Variants in RTL4 observed in about 807,000 individuals in gnomAD.
The protein encoded by RTL4 is retrotransposon Gag like 4, also known as retrotransposon Gag-like protein 4.
A neutral mutation model predicts 5.3 loss-of-function variants in RTL4; 4 were observed. The observed-to-expected ratio is 0.75, with a 90% confidence interval of 0.37 to 1.72. RTL4 has a LOEUF of 1.72. RTL4 is among the 40% of genes most tolerant of loss of function. The probability of loss-of-function intolerance (pLI) is 0.04; values close to 1 mark genes in which losing one functional copy is unlikely to be tolerated. For missense variants in RTL4, 260 were observed against 227.1 expected, an observed-to-expected ratio of 1.14 and a Z score of -0.93; for synonymous variants, 98 against 87.3, an observed-to-expected ratio of 1.12 and a Z score of -0.68.
At chrX:112,375,363 G>T in the RTL4 span, among the ~76,000 whole-genome samples, 2 of 110,946 alleles carry the variant, frequency 1.8e-5, no homozygotes, top group African/African-American at 6.6e-5. Flanking sequence ...GGTTATTAAG[G>T]TTCTGCAGCC....
At chrX:112,368,043 C>T in the RTL4 span, among the ~76,000 whole-genome samples, 13 of 111,706 alleles carry the variant, frequency 1.2e-4, no homozygotes, top group Non-Finnish European at 2.1e-4. Flanking sequence ...ACATTTTTCA[C>T]GAAGACAATG....
chrX:112,219,926 C>T, the RTL4 span, among the ~76,000 whole-genome samples: 4 of 111,889 alleles, frequency 3.6e-5, no homozygotes, highest in South Asian at 3.7e-4. Flanking sequence ...TCTTTCTCCA[C>T]GCCTTGCTTT....
the RTL4 span, among the ~76,000 whole-genome samples, chrX:112,414,316 T>C: frequency 0.034 from 3,804 of 111,775 alleles, 126 homozygotes; most frequent in African/African-American, 0.1. Flanking sequence ...TTCCATAGCA[T>C]TACTTTTTTC....
chrX:112,420,971 C>G, the RTL4 span, among the ~76,000 whole-genome samples: 1 of 111,628 alleles, frequency 9.0e-6, no homozygotes, highest in African/African-American at 3.3e-5. Flanking sequence ...AAAGTTCCAC[C>G]ACTACTGTAA....
At chrX:112,135,943 A>G in the RTL4 span, among the ~76,000 whole-genome samples, 1 of 108,082 alleles carries the variant, frequency 9.3e-6, no homozygotes, top group African/African-American at 3.3e-5. Flanking sequence ...GGCTCCATTG[A>G]CCCATTTATT....
chrX:112,167,079 A>C, the RTL4 span, among the ~76,000 whole-genome samples: 6 of 111,249 alleles, frequency 5.4e-5, no homozygotes, highest in African/African-American at 2.0e-4. Context: ...ATGAGACAAA[A>C]ACCTCCTTAA....
chrX:112,395,063 A>G, the RTL4 span, among the ~76,000 whole-genome samples: 4 of 111,911 alleles, frequency 3.6e-5, no homozygotes, highest in African/African-American at 1.3e-4. Context: ...TTGTAAATCT[A>G]CCATTAGAAC....
At chrX:112,427,222 A>G in the RTL4 span, among the ~76,000 whole-genome samples, 6 of 111,409 alleles carry the variant, frequency 5.4e-5, no homozygotes, top group Non-Finnish European at 9.5e-5. Context: ...CCAACAATGT[A>G]TAAAAATCAT....
chrX:112,120,690 C>T, the RTL4 span, among the ~76,000 whole-genome samples: 1 of 108,559 alleles, frequency 9.2e-6, no homozygotes, highest in Non-Finnish European at 1.9e-5. Context: ...CCTTATGTTA[C>T]TGAAGAACAC....
chrX:112,316,314 C>T, the RTL4 span, among the ~76,000 whole-genome samples: 1 of 111,667 alleles, frequency 9.0e-6, no homozygotes, highest in South Asian at 3.8e-4. Context: ...TGTTCCCTGG[C>T]TTAGGCATGT....
chrX:112,145,004 CT>C, the RTL4 span, among the ~76,000 whole-genome samples: 16 of 109,427 alleles, frequency 1.5e-4, no homozygotes, highest in African/African-American at 4.6e-4. Flanking sequence ...TCTACAAGTC[CT>C]TTTTTTTTCC....
the RTL4 span, among the ~76,000 whole-genome samples, chrX:112,292,561 C>G: frequency 1.8e-5 from 2 of 111,644 alleles, no homozygotes; most frequent in East Asian, 5.7e-4. Context: ...TTACAATGAT[C>G]AAAAGATGAT....
chrX:112,334,045 A>G, the RTL4 span, among the ~76,000 whole-genome samples: 4 of 110,256 alleles, frequency 3.6e-5, no homozygotes, highest in African/African-American at 1.3e-4. Flanking sequence ...ATAAGTGAGA[A>G]CATGAAATGT....
chrX:112,278,846 C>T, the RTL4 span, among the ~76,000 whole-genome samples: 1 of 110,829 alleles, frequency 9.0e-6, no homozygotes, highest in Non-Finnish European at 1.9e-5. Context: ...AAGATACTAC[C>T]ATAAATAACA....
the RTL4 span, among the ~76,000 whole-genome samples, chrX:112,375,288 G>A: frequency 7.2e-5 from 8 of 111,002 alleles, no homozygotes; most frequent in East Asian, 2.9e-4. Flanking sequence ...AGGCGGGGGC[G>A]GAAGTCTACA....
chrX:112,372,663 A>C, the RTL4 span, among the ~76,000 whole-genome samples: 1,265 of 111,207 alleles, frequency 0.011, 7 homozygotes, highest in Non-Finnish European at 0.019. Flanking sequence ...CTAAGGAAAA[A>C]AGTTTCTCTC....
At chrX:112,300,553 A>G in the RTL4 span, among the ~76,000 whole-genome samples, 1 of 112,293 alleles carries the variant, frequency 8.9e-6, no homozygotes, top group African/African-American at 3.2e-5. Context: ...GCATGCATGT[A>G]TAGATGTGAA....
At chrX:112,115,655 G>A in the RTL4 span, among the ~76,000 whole-genome samples, 3 of 111,821 alleles carry the variant, frequency 2.7e-5, no homozygotes, top group East Asian at 2.8e-4. Context: ...CCCCCCGACA[G>A]GGCTTTGGGC....
At chrX:112,273,681 G>A in the RTL4 span, among the ~76,000 whole-genome samples, 1 of 111,899 alleles carries the variant, frequency 8.9e-6, no homozygotes, top group East Asian at 2.8e-4. Context: ...CTGCCTGGAA[G>A]GTAGCAGAGT....
Sources: allele counts gnomAD v4.1 joint callset (sites outside exome capture counted in the v4.1 genomes callset), GRCh38; gene constraint gnomAD v4.1.1; transcripts MANE v1.5; gene names NCBI Gene and HGNC (gene_info 2026-07-23, HGNC 2026-07-21).